FAF1: variants seen among roughly 807,000 people sequenced by gnomAD.
FAF1 encodes the protein FAS-associated factor 1.
A neutral mutation model predicts 92.5 loss-of-function variants in FAF1; 25 were observed. The ratio of observed to expected loss-of-function variants is 0.27; its 90% CI spans 0.20 to 0.38. The LOEUF is 0.38. Among genes scored for constraint, FAF1 ranks in the 10% least tolerant of loss-of-function variants. The pLI is 1.00. For missense variants in FAF1, 636 were observed against 793.3 expected (o/e 0.80, Z 2.38); for synonymous variants, 234 against 273.2 (o/e 0.86, Z 1.42).
At chr1:50,852,458 T>A (rs1644358721) in intron 2 of FAF1, among the ~76,000 whole-genome samples, 1 of 152,184 alleles carries the variant, frequency 6.6e-6, no homozygotes, top group South Asian at 2.1e-4. Flanking sequence ...GAACTGAGAA[T>A]CTATTTGAAA....
chr1:50,699,100 T>C (rs1657357646), intron 7 of FAF1, among the ~76,000 whole-genome samples: 1 of 152,062 alleles, frequency 6.6e-6, no homozygotes, highest in Non-Finnish European at 1.5e-5. Context: ...ATGAACATGG[T>C]GGCGGTAATA....
intron 2 of FAF1, among the ~76,000 whole-genome samples, chr1:50,810,316 A>G (rs1192116791): frequency 3.9e-5 from 6 of 152,224 alleles, no homozygotes; most frequent in Admixed American, 2.6e-4. Context: ...ACATAAACAG[A>G]ACTAAAAACA....
intron 12 of FAF1, chr1:50,582,299 A>G (rs1295984534): frequency 7.9e-6 from 2 of 253,818 alleles, no homozygotes; most frequent in Non-Finnish European, 1.5e-5. Context: ...CAGTACCCCT[A>G]TCACATTAAT....
intron 7 of FAF1, among the ~76,000 whole-genome samples, chr1:50,701,494 G>A (rs959420018): frequency 6.6e-6 from 1 of 152,056 alleles, no homozygotes; most frequent in African/African-American, 2.4e-5. Context: ...TCAATAATTA[G>A]CACAATCTGT....
intron 9 of FAF1, among the ~76,000 whole-genome samples, chr1:50,593,857 G>A (rs561202821): frequency 6.6e-6 from 1 of 152,274 alleles, no homozygotes; most frequent in East Asian, 1.9e-4. Context: ...TCAAAGGATG[G>A]CTGGAGAAGT....
intron 4 of FAF1, among the ~76,000 whole-genome samples, chr1:50,745,075 A>G (rs1659536043): frequency 6.6e-6 from 1 of 152,086 alleles, no homozygotes; most frequent in South Asian, 2.1e-4. Flanking sequence ...ATCACCTGAG[A>G]CCAGGAGTTC....
chr1:50,815,381 T>C (rs1352539653), intron 2 of FAF1, among the ~76,000 whole-genome samples: 3 of 152,226 alleles, frequency 2.0e-5, no homozygotes, highest in Non-Finnish European at 4.4e-5. Flanking sequence ...TCCATGTTAC[T>C]GTAAAGGACA....
chr1:50,666,129 C>CAAA (rs57489116), intron 7 of FAF1, among the ~76,000 whole-genome samples: 10 of 122,844 alleles, frequency 8.1e-5, no homozygotes, highest in South Asian at 2.9e-4. Context: ...GAGCCCAGAT[C>CAAA]AAAAAAAAAA....
At chr1:50,491,268 A>G (rs1572781155) in intron 16 of FAF1, among the ~76,000 whole-genome samples, 1 of 152,214 alleles carries the variant, frequency 6.6e-6, no homozygotes, top group East Asian at 1.9e-4. Flanking sequence ...TGTTACAGCT[A>G]CTTGTGTTCT....
intron 8 of FAF1, among the ~76,000 whole-genome samples, chr1:50,621,485 C>T (rs924479644): frequency 2.2e-5 from 3 of 137,582 alleles, no homozygotes; most frequent in African/African-American, 5.5e-5. Flanking sequence ...CTGCAACCTT[C>T]GCCTCTGGGG....
At chr1:50,475,164 C>T (rs78452113) in intron 18 of FAF1, among the ~76,000 whole-genome samples, 7,920 of 152,254 alleles carry the variant, frequency 0.052, 289 homozygotes, top group Non-Finnish European at 0.076. Flanking sequence ...AGATATATCT[C>T]ATTTGAGGAA....
At position 50,728,594 on chromosome 1, in the gene FAF1, C is replaced by T. The variant is rs573132540; in HGVS notation, c.551+10269G>A. 5.3e-5 allele frequency among the ~76,000 whole-genome samples: 8 copies of T among 151,920 alleles called. No homozygotes were observed. The East Asian group carries it at 1.5e-3, about 29-fold the overall frequency. On this transcript the variant is annotated intron_variant, in intron 6 of 18. Transcript: ENST00000396153. ...TCACCTGAGGTCAGAAGTTTGAGACCAGCCTAGCCAACATAGTGAAACCCT... is the reference window on the plus strand; with the variant it reads ...TCACCTGAGGTCAGAAGTTTGAGACTAGCCTAGCCAACATAGTGAAACCCT...
chr1:50,741,451 G>A (rs1472776838), intron 5 of FAF1, among the ~76,000 whole-genome samples: 3 of 152,190 alleles, frequency 2.0e-5, no homozygotes, highest in Non-Finnish European at 4.4e-5. Context: ...TATTTGAAAT[G>A]TAATAAAAAA....
At chr1:50,720,920 C>T (rs1658382856) in intron 6 of FAF1, among the ~76,000 whole-genome samples, 5 of 152,174 alleles carry the variant, frequency 3.3e-5, no homozygotes. Flanking sequence ...GCCCCACGCT[C>T]CTATTCCTTT....
intron 15 of FAF1, among the ~76,000 whole-genome samples, chr1:50,505,034 G>T (rs756574754): frequency 6.6e-6 from 1 of 152,122 alleles, no homozygotes; most frequent in African/African-American, 2.4e-5. Flanking sequence ...CTGAGTGGGG[G>T]ATCTTACTGA....
intron 2 of FAF1, among the ~76,000 whole-genome samples, chr1:50,802,616 A>T (rs1662038194): frequency 6.6e-6 from 1 of 152,214 alleles, no homozygotes; most frequent in African/African-American, 2.4e-5. Context: ...GAAGGCTATT[A>T]AGCAAGCAGG....
intron 15 of FAF1, among the ~76,000 whole-genome samples, chr1:50,502,344 G>C (rs1054767081): frequency 2.0e-5 from 3 of 152,100 alleles, no homozygotes; most frequent in African/African-American, 7.2e-5. Flanking sequence ...CCTAAAACAG[G>C]ATATGGAGAG....
chr1:50,823,166 T>C (rs967556080), intron 2 of FAF1, among the ~76,000 whole-genome samples: 1 of 152,192 alleles, frequency 6.6e-6, no homozygotes, highest in African/African-American at 2.4e-5. Flanking sequence ...GCCATAAAGC[T>C]ATATCTGCTT....
intron 15 of FAF1, among the ~76,000 whole-genome samples, chr1:50,515,149 T>G (rs1405577854): frequency 6.6e-6 from 1 of 152,160 alleles, no homozygotes; most frequent in African/African-American, 2.4e-5. Context: ...GAGATACATA[T>G]ATAAGCTTAG....
Sources: gnomAD v4.1 joint callset for allele counts (sites outside exome capture counted in the v4.1 genomes callset) on GRCh38, gnomAD v4.1.1 for gene constraint, MANE v1.5 for transcripts, NCBI Gene and HGNC (gene_info 2026-07-23, HGNC 2026-07-21) for gene names.